Variants in PRKACB observed in about 807,000 individuals in gnomAD.
PRKACB encodes protein kinase cAMP-activated catalytic subunit beta.
In PRKACB, 16 loss-of-function variants were observed where a neutral mutation model predicts 51.4. The ratio of observed to expected loss-of-function variants is 0.31; its 90% CI spans 0.21 to 0.47. PRKACB has a LOEUF of 0.47. Among genes scored for constraint, PRKACB ranks in the 20% least tolerant of loss-of-function variants. The probability of loss-of-function intolerance (pLI) is 1.00; values close to 1 mark genes in which losing one functional copy is unlikely to be tolerated. For missense variants in PRKACB, 309 were observed against 464.5 expected, an observed-to-expected ratio of 0.67 and a Z score of 3.08; for synonymous variants, 147 against 154.4, an observed-to-expected ratio of 0.95 and a Z score of 0.35.
intron 9 of PRKACB, among the ~76,000 whole-genome samples, chr1:84,229,113 G>A (rs1675150826): frequency 7.4e-6 from 1 of 134,436 alleles, no homozygotes; most frequent in Non-Finnish European, 1.5e-5. Flanking sequence ...CCCAGAGTAT[G>A]ATGTTCCCCT....
chr1:84,141,628 T>C (rs1302448037), upstream of PRKACB, among the ~76,000 whole-genome samples: 1 of 151,996 alleles, frequency 6.6e-6, no homozygotes, highest in Admixed American at 6.5e-5. Flanking sequence ...TAATTTTGTT[T>C]TAAAGCTTAT....
chr1:84,157,117 T>C (rs1655598087), intron 1 of PRKACB, among the ~76,000 whole-genome samples: 2 of 152,202 alleles, frequency 1.3e-5, no homozygotes, highest in African/African-American at 4.8e-5. Flanking sequence ...GGATGGAGTC[T>C]AGGAGTTGAT....
intron 4 of PRKACB, 147 bp from the exon 5 acceptor site, chr1:84,184,953 A>AACAT: frequency 1.2e-5 from 5 of 412,068 alleles, no homozygotes; most frequent in Non-Finnish European, 2.1e-5. Flanking sequence ...TGTATAGAAA[A>AACAT]GCTAGAGCAT....
At chr1:84,134,300 G>C (rs1346544406) in intron 1 of PRKACB, among the ~76,000 whole-genome samples, 1 of 152,192 alleles carries the variant, frequency 6.6e-6, no homozygotes, top group Non-Finnish European at 1.5e-5. Context: ...AGGAATGTAT[G>C]TTCTCACTTT....
At chr1:84,124,642 G>A (rs1241585596) in intron 1 of PRKACB, among the ~76,000 whole-genome samples, 1 of 152,156 alleles carries the variant, frequency 6.6e-6, no homozygotes, top group Non-Finnish European at 1.5e-5. Flanking sequence ...CCTGAGGTTC[G>A]CAGTTTGCCC....
chr1:84,138,913 T>C (rs1653108701), intron 1 of PRKACB, among the ~76,000 whole-genome samples: 2 of 152,064 alleles, frequency 1.3e-5, no homozygotes, highest in Non-Finnish European at 2.9e-5. Context: ...ACCATATTAG[T>C]AGACTAAAAG....
upstream of PRKACB, among the ~76,000 whole-genome samples, chr1:84,143,523 T>C (rs940503270): frequency 1.3e-5 from 2 of 152,194 alleles, no homozygotes; most frequent in Admixed American, 1.3e-4. Flanking sequence ...TCTTCAGTGG[T>C]AAGGTTTTAA....
At position 84,229,903 on chromosome 1, in the gene PRKACB, G is replaced by A. The variant is rs563564815; in HGVS notation, c.1072-5277G>A. On this transcript the variant is annotated intron_variant, in intron 9 of 9. Coordinates refer to ENST00000370685, the MANE Select transcript of PRKACB (RefSeq NM_182948.4). ...AGGTTGCCTGTTCACTCTGATGGTA[G>A]TTTCTTTTGATGTGCAGAAGCTCTT... is the stretch of plus-strand genomic sequence containing the variant. Among the ~76,000 whole-genome samples, 27 of 152,188 alleles carry A rather than the reference G, an allele frequency of 1.8e-4. No homozygotes were observed. The South Asian group carries it at 3.5e-3, about 20-fold the overall frequency.
At chr1:84,220,864 T>C (rs1673596948) in intron 9 of PRKACB, among the ~76,000 whole-genome samples, 1 of 152,184 alleles carries the variant, frequency 6.6e-6, no homozygotes, top group Non-Finnish European at 1.5e-5. Flanking sequence ...TAAAAATTTT[T>C]GTGTCTGTAT....
At chr1:84,204,641 G>A (rs1671047882) in intron 8 of PRKACB, 2 of 1,161,914 alleles carry the variant, frequency 1.7e-6, no homozygotes, top group South Asian at 6.0e-5. Context: ...AATGGAAGAA[G>A]AATATTTTAC....
intron 1 of PRKACB, among the ~76,000 whole-genome samples, chr1:84,112,063 A>G (rs965889066): frequency 1.3e-5 from 2 of 152,054 alleles, no homozygotes; most frequent in African/African-American, 4.8e-5. Flanking sequence ...CAATACTGCA[A>G]TTGAGTCTTG....
chr1:84,094,569 A>G (rs1490929581), intron 1 of PRKACB, among the ~76,000 whole-genome samples: 1 of 151,768 alleles, frequency 6.6e-6, no homozygotes, highest in African/African-American at 2.4e-5. Flanking sequence ...ACATGTTTGG[A>G]ATGATTTCAG....
chr1:84,122,382 A>C (rs1651156838), intron 1 of PRKACB, among the ~76,000 whole-genome samples: 1 of 152,108 alleles, frequency 6.6e-6, no homozygotes, highest in Non-Finnish European at 1.5e-5. Flanking sequence ...AATTGAGCAA[A>C]TGTTTCTCAG....
At chr1:84,232,736 C>G (rs891130135) in intron 9 of PRKACB, among the ~76,000 whole-genome samples, 3 of 151,836 alleles carry the variant, frequency 2.0e-5, no homozygotes, top group African/African-American at 7.3e-5. Context: ...GATTGCAACC[C>G]CTGCCTTTTT....
chr1:84,223,559 C>T (rs1307855120), intron 9 of PRKACB, among the ~76,000 whole-genome samples: 1 of 151,896 alleles, frequency 6.6e-6, no homozygotes, highest in African/African-American at 2.4e-5. Context: ...TTAGTAGAGA[C>T]AGGGTTTCAC....
intron 1 of PRKACB, among the ~76,000 whole-genome samples, chr1:84,120,252 G>A (rs1650952679): frequency 6.6e-6 from 1 of 152,050 alleles, no homozygotes; most frequent in Non-Finnish European, 1.5e-5. Context: ...GAGACAAGAA[G>A]TAGAAAATTT....
At chr1:84,142,974 C>T (rs1281364103), upstream of PRKACB, among the ~76,000 whole-genome samples, 2 of 151,732 alleles carry the variant, frequency 1.3e-5, no homozygotes, top group Admixed American at 6.6e-5. Flanking sequence ...TTAGATAGAC[C>T]TTTTTCTTTC....
At chr1:84,081,730 A>T (rs1195735383) in intron 1 of PRKACB, among the ~76,000 whole-genome samples, 4 of 152,088 alleles carry the variant, frequency 2.6e-5, no homozygotes, top group South Asian at 2.1e-4. Flanking sequence ...ATTTCATTTT[A>T]AAAAAATACT....
Position 84,227,581 on chromosome 1 carries a change from A to G in PRKACB, c.1072-7599A>G, listed in dbSNP as rs992776717. Among the ~76,000 whole-genome samples, 5 of 152,206 alleles carry G rather than the reference A, an allele frequency of 3.3e-5. 1 individual carries two copies. The highest frequency in any genetic ancestry group is 1.2e-4 in the African/African-American group (5 of 41,462). On this transcript the variant is annotated intron_variant, in intron 9 of 9. Coordinates refer to ENST00000370685, the MANE Select transcript of PRKACB (RefSeq NM_182948.4). ...TTAATAATTATTCCTAAAAGGGGAT[A>G]GAACAGGAAGGCCACTACTCATTTA...
Sources: gnomAD v4.1 joint callset for allele counts (sites outside exome capture counted in the v4.1 genomes callset) on GRCh38, gnomAD v4.1.1 for gene constraint, MANE v1.5 for transcripts, NCBI Gene and HGNC (gene_info 2026-07-23, HGNC 2026-07-21) for gene names.